KAZN: variants seen among roughly 807,000 people sequenced by gnomAD.
KAZN encodes the protein kazrin, periplakin interacting protein, also known as kazrin.
A neutral mutation model predicts 87.4 loss-of-function variants in KAZN; 40 were observed. The ratio of observed to expected loss-of-function variants is 0.46; its 90% CI spans 0.36 to 0.60. The LOEUF is 0.60. KAZN is among the 20% of genes least tolerant of loss of function. KAZN has a pLI of 0.00. For missense variants in KAZN, 898 were observed against 1,073.9 expected (o/e 0.84, Z 2.29); for synonymous variants, 466 against 458.3 (o/e 1.02, Z -0.22).
intron 2 of KAZN, among the ~76,000 whole-genome samples, chr1:14,271,373 TG>T (rs1212013809): frequency 6.6e-6 from 1 of 152,240 alleles, no homozygotes; most frequent in African/African-American, 2.4e-5. Flanking sequence ...ACTGTGAGGC[TG>T]TGAAGAAGTC....
rs35124903 is a variant in KAZN, at chr1:14,586,526, T to G, written c.250-12457T>G. Among the ~76,000 whole-genome samples, 66 of 72,720 alleles carry G rather than the reference T, an allele frequency of 9.1e-4. No individual in the cohort carries two copies. The East Asian group carries it at 0.03, about 33-fold the overall frequency. The allele number at this position is 72,720 out of a possible 152,430, so 47.7% of individuals were successfully genotyped here. On this transcript the variant is annotated intron_variant, in intron 2 of 16. Transcript: ENST00000636203. ...TAAGCATGAACTTTTTTCTTTCTGG[T>G]TTTTTTTTTTTTTTTTTTTAGAGAT...
At position 15,112,435 on chromosome 1, in the gene KAZN, G is replaced by C. The variant is rs1238031817; in HGVS notation, c.2057G>C (p.Gly686Ala). ...SAVFHPANST[G>A]IREAERFGTP... ...AATGGTCCTCTCTTCAGCTCCACAGGCATCCGGGAGGCTGAGCGTTTTGGA... is the reference window on the plus strand; with the variant it reads ...AATGGTCCTCTCTTCAGCTCCACAGCCATCCGGGAGGCTGAGCGTTTTGGA... The change falls in exon 14 of 15, where the codon GGC becomes GCC. Residue 686 changes from glycine to alanine, a missense_variant. Gly to Ala is a moderately conservative substitution (Grantham distance 60). Coordinates refer to ENST00000376030, the MANE Select transcript of KAZN (RefSeq NM_201628.3). The C allele has an allele frequency of 6.3e-7, 1 of 1,595,214 alleles. No individual in the cohort carries two copies. The highest frequency in any genetic ancestry group is 1.7e-5 in the Admixed American group (1 of 57,146).
chr1:14,454,159 A>T (rs1667436290), intron 2 of KAZN, among the ~76,000 whole-genome samples: 1 of 152,232 alleles, frequency 6.6e-6, no homozygotes, highest in African/African-American at 2.4e-5. Context: ...GCAAGGAGCT[A>T]GGAGAAAGAG....
At chr1:14,514,463 T>A (rs1162650481) in intron 2 of KAZN, among the ~76,000 whole-genome samples, 1 of 73,542 alleles carries the variant, frequency 1.4e-5, no homozygotes, top group Non-Finnish European at 2.5e-5. Context: ...TTATATATAT[T>A]TTATATAAAT....
intron 1 of KAZN, among the ~76,000 whole-genome samples, chr1:14,758,590 G>T (rs1017038704): frequency 6.6e-6 from 1 of 152,176 alleles, no homozygotes; most frequent in Non-Finnish European, 1.5e-5. Flanking sequence ...TGGGATTACA[G>T]GCATGAGCCA....
chr1:14,218,343 G>A (rs1174096589), intron 2 of KAZN, among the ~76,000 whole-genome samples: 2 of 152,108 alleles, frequency 1.3e-5, no homozygotes, highest in African/African-American at 4.8e-5. Flanking sequence ...GGCTTAGAAA[G>A]AGAAAGCAAC....
At chr1:14,098,890 G>T (rs1644186392) in intron 1 of KAZN, among the ~76,000 whole-genome samples, 2 of 152,120 alleles carry the variant, frequency 1.3e-5, no homozygotes, top group Admixed American at 6.5e-5. Context: ...GGCCCATGTT[G>T]GCACCCACAC....
At chr1:14,233,754 G>A (rs769483375) in intron 2 of KAZN, among the ~76,000 whole-genome samples, 1 of 152,158 alleles carries the variant, frequency 6.6e-6, no homozygotes, top group Non-Finnish European at 1.5e-5. Flanking sequence ...TCTTTTGTAT[G>A]CAGAGCCCTT....
intron 1 of KAZN, among the ~76,000 whole-genome samples, chr1:14,904,448 C>G (rs147125412): frequency 6.6e-6 from 1 of 152,196 alleles, no homozygotes; most frequent in Non-Finnish European, 1.5e-5. Flanking sequence ...GCTGCAGGTA[C>G]AGCTTTGCTA....
intron 2 of KAZN, among the ~76,000 whole-genome samples, chr1:14,263,953 C>T (rs530478240): frequency 6.6e-6 from 1 of 152,332 alleles, no homozygotes; most frequent in South Asian, 2.1e-4. Context: ...TCGTCAGCTC[C>T]TGGGCTATCT....
chr1:14,015,083 C>A (rs969587324), intron 1 of KAZN, among the ~76,000 whole-genome samples: 2 of 152,046 alleles, frequency 1.3e-5, no homozygotes, highest in African/African-American at 4.8e-5. Context: ...TTTTACACTT[C>A]TCAAGTTATT....
intron 2 of KAZN, among the ~76,000 whole-genome samples, chr1:14,581,653 C>T (rs193208662): frequency 3.9e-5 from 6 of 152,316 alleles, no homozygotes; most frequent in Admixed American, 2.6e-4. Context: ...GGGACCTGAT[C>T]GGGTCCTACT....
chr1:14,171,718 G>A (rs1373696266), intron 1 of KAZN, among the ~76,000 whole-genome samples: 1 of 152,090 alleles, frequency 6.6e-6, no homozygotes, highest in African/African-American at 2.4e-5. Context: ...GCAAGGCTGT[G>A]CCCCATGATA....
chr1:14,096,460 G>A (rs142208483), intron 1 of KAZN, among the ~76,000 whole-genome samples: 1 of 152,186 alleles, frequency 6.6e-6, no homozygotes, highest in African/African-American at 2.4e-5. Flanking sequence ...GCCTTCCATG[G>A]CTCACCACCT....
chr1:13,956,974 G>A (rs1297671238), intron 1 of KAZN, among the ~76,000 whole-genome samples: 1 of 152,176 alleles, frequency 6.6e-6, no homozygotes, highest in African/African-American at 2.4e-5. Flanking sequence ...ATGTTGGTGG[G>A]TAGCTGAGGG....
chr1:14,552,434 C>T (rs78222438), intron 2 of KAZN, among the ~76,000 whole-genome samples: 9,787 of 152,320 alleles, frequency 0.064, 402 homozygotes, highest in Middle Eastern at 0.12. Flanking sequence ...GCTCCCCTTC[C>T]GGCAACCGGC....
At chr1:14,133,427 AAGAAAG>A (rs1483143235) in intron 1 of KAZN, among the ~76,000 whole-genome samples, 3 of 149,074 alleles carry the variant, frequency 2.0e-5, no homozygotes, top group African/African-American at 7.4e-5. Flanking sequence ...GAAAGAAAGA[AAGAAAG>A]AAAGAAAATA....
At chr1:14,284,246 G>T (rs1261044075) in intron 2 of KAZN, among the ~76,000 whole-genome samples, 1 of 152,132 alleles carries the variant, frequency 6.6e-6, no homozygotes, top group African/African-American at 2.4e-5. Flanking sequence ...TAAAAATATT[G>T]TATATTTTAA....
intron 1 of KAZN, among the ~76,000 whole-genome samples, chr1:13,932,811 T>A (rs12036546): frequency 0.016 from 2,490 of 152,254 alleles, 61 homozygotes; most frequent in African/African-American, 0.055. Context: ...GGGGAGGAGG[T>A]TGTCACGCAT....
Sources: allele counts gnomAD v4.1 joint callset (sites outside exome capture counted in the v4.1 genomes callset), GRCh38; gene constraint gnomAD v4.1.1; transcripts MANE v1.5; gene names NCBI Gene and HGNC (gene_info 2026-07-23, HGNC 2026-07-21).